Variants in SEC22C observed in about 807,000 individuals in gnomAD.
The protein encoded by SEC22C is SEC22 homolog C, vesicle trafficking protein, also known as vesicle-trafficking protein SEC22c.
A neutral mutation model predicts 34.7 loss-of-function variants in SEC22C; 29 were observed. The observed-to-expected ratio is 0.84, with a 90% confidence interval of 0.62 to 1.14. The LOEUF (loss-of-function observed/expected upper bound fraction) is 1.14, where lower values mean the gene tolerates loss of function less well. Ranked by LOEUF, SEC22C falls within the 50% of genes most tolerant of loss-of-function variation. The probability of loss-of-function intolerance (pLI) is 0.00; values close to 1 mark genes in which losing one functional copy is unlikely to be tolerated. For missense variants in SEC22C, 337 were observed against 369.0 expected, an observed-to-expected ratio of 0.91 and a Z score of 0.71; for synonymous variants, 117 against 132.8, an observed-to-expected ratio of 0.88 and a Z score of 0.82.
At chr3:42,583,703 T>C (rs1704510456), upstream of SEC22C, among the ~76,000 whole-genome samples, 1 of 152,168 alleles carries the variant, frequency 6.6e-6, no homozygotes, top group Admixed American at 6.5e-5. Flanking sequence ...TCTGTCCTCA[T>C]CTAATATGCG....
In SEC22C at chr3:42,549,574, C is replaced by T; in HGVS notation, c.*3674G>A. 2.0e-6 allele frequency: 2 copies of T among 985,506 alleles called. No individual in the cohort carries two copies. The highest frequency in any genetic ancestry group is 2.4e-6 in the Non-Finnish European group (2 of 829,960). The allele number at this position is 985,506 out of a possible 1,614,324, so 61.0% of individuals were successfully genotyped here. On this transcript the variant is annotated 3_prime_UTR_variant, in exon 7 of 7. Transcript: ENST00000264454. ...GCTGACCACCAAGTGTTACTCCTCT[C>T]CAAGACTTGACTCCCAGGCATGGGT...
At position 42,552,345 on chromosome 3, in the gene SEC22C, A is replaced by G. The variant is rs188135751; in HGVS notation, c.*903T>C. 4 of 985,400 alleles carry G rather than the reference A, an allele frequency of 4.1e-6. No homozygotes were observed. The East Asian group carries it at 4.5e-4, about 112-fold the overall frequency. 61.0% of individuals were successfully genotyped at this position (985,400 alleles called of 1,614,324 possible). A position where few individuals can be genotyped will look rare whatever the true frequency, so the allele number is the denominator to read the frequency against. On this transcript the variant is annotated 3_prime_UTR_variant, in exon 7 of 7. Transcript: ENST00000264454. Reference sequence around the variant, plus strand: ...ATTAAAACAACAGGCACTCAGCTCTACTGAAAAGGCTGATGACAGCAGCCC... The same window carrying G: ...ATTAAAACAACAGGCACTCAGCTCTGCTGAAAAGGCTGATGACAGCAGCCC...
intron 5 of SEC22C, among the ~76,000 whole-genome samples, 185 bp downstream of exon 5, chr3:42,557,393 A>C (rs1350849694): frequency 6.6e-6 from 1 of 152,220 alleles, no homozygotes; most frequent in African/African-American, 2.4e-5. Flanking sequence ...TTCTTAGGAC[A>C]ATAGACATAA....
rs1230978697 is a variant in SEC22C, at chr3:42,566,138, T to C, written c.183-2452A>G. Reference sequence around the variant, plus strand: ...ACCATCAAGGACAGCATGTTCAGCATGTCCAGAGAAAGGGGCTGCACATGT... The same window carrying C: ...ACCATCAAGGACAGCATGTTCAGCACGTCCAGAGAAAGGGGCTGCACATGT... On this transcript the variant is annotated intron_variant, in intron 2 of 6. Transcript: ENST00000264454. Among the ~76,000 whole-genome samples the C allele has an allele frequency of 3.3e-5, 5 of 152,296 alleles. No homozygotes were observed. The South Asian group carries it at 1.0e-3, about 32-fold the overall frequency.
intron 2 of SEC22C, chr3:42,564,050 C>T: frequency 1.3e-6 from 1 of 796,024 alleles, no homozygotes; most frequent in Non-Finnish European, 1.7e-6. Context: ...ATCCTGGCAT[C>T]CTAAAATAAG....
Position 42,552,088 on chromosome 3 carries a change from C to T in SEC22C, c.*1160G>A, listed in dbSNP as rs1462844435. On this transcript the variant is annotated 3_prime_UTR_variant, in exon 7 of 7. Coordinates refer to ENST00000264454, the MANE Select transcript of SEC22C (RefSeq NM_032970.4). ...AAACCTAAGGGATCTTATCCAGAAC[C>T]ATATTTTGGAAAACTGTGATCAATC... 5.1e-6 allele frequency: 5 copies of T among 985,278 alleles called. No homozygotes were observed. The highest frequency in any genetic ancestry group is 6.0e-6 in the Non-Finnish European group (5 of 829,926). 61.0% of individuals were successfully genotyped at this position (985,278 alleles called of 1,614,324 possible).
At chr3:42,588,415 A>C (rs1704695704) in intron 1 of SEC22C, among the ~76,000 whole-genome samples, 2 of 152,154 alleles carry the variant, frequency 1.3e-5, no homozygotes, top group African/African-American at 4.8e-5. Context: ...AAAAAACAAC[A>C]ACAACAAAAA....
Position 42,569,071 on chromosome 3 carries a change from C to T in SEC22C, c.-25G>A. ...TGGTCCACAAGAGAAGTCATGAGGA[C>T]ACCTGAGGAAAGCAAGGTCACCTTG... On this transcript the variant is annotated splice_region_variant and 5_prime_UTR_variant, in exon 2 of 7. Transcript: ENST00000264454. 6.2e-7 allele frequency: 1 copy of T among 1,606,084 alleles called. No individual in the cohort carries two copies. The highest frequency in any genetic ancestry group is 8.5e-7 in the Non-Finnish European group (1 of 1,174,934).
rs1028916842 is a variant in SEC22C, at chr3:42,552,199, A to G, written c.*1049T>C. On this transcript the variant is annotated 3_prime_UTR_variant, in exon 7 of 7. Transcript: ENST00000264454. Reference sequence around the variant, plus strand: ...AGCTTTAAAAAGTTAACAGATACTTAACTCTTGTTCATAAAAAATGAGGCC... The same window carrying G: ...AGCTTTAAAAAGTTAACAGATACTTGACTCTTGTTCATAAAAAATGAGGCC... The G allele has an allele frequency of 1.0e-6, 1 of 985,248 alleles. No individual in the cohort carries two copies. Among genetic ancestry groups the G allele is most frequent in the South Asian group, 4.7e-5 (1 of 21,282 alleles). 61.0% of individuals were successfully genotyped at this position (985,248 alleles called of 1,614,324 possible).
At chr3:42,568,323 T>C (rs576178616) in intron 2 of SEC22C, among the ~76,000 whole-genome samples, 1 of 152,004 alleles carries the variant, frequency 6.6e-6, no homozygotes, top group South Asian at 2.1e-4. Context: ...CCAATGCTCA[T>C]GGGCACTCCA....
chr3:42,598,902 A>G (rs3111313), intron 1 of SEC22C, among the ~76,000 whole-genome samples: 101,435 of 151,694 alleles, frequency 0.67, 35,230 homozygotes, highest in African/African-American at 0.84. Context: ...CAACTTTCAC[A>G]TAATGTGTAT....
chr3:42,577,836 G>A (rs984641862), intron 1 of SEC22C, among the ~76,000 whole-genome samples: 4 of 152,152 alleles, frequency 2.6e-5, no homozygotes, highest in African/African-American at 9.7e-5. Context: ...TAGGCATGGT[G>A]GTGGGCACCT....
At chr3:42,571,388 TAA>T (rs1458293256) in intron 1 of SEC22C, among the ~76,000 whole-genome samples, 1 of 152,222 alleles carries the variant, frequency 6.6e-6, no homozygotes, top group African/African-American at 2.4e-5. Context: ...ATCTATTTTT[TAA>T]AAGTCTTTTT....
intron 2 of SEC22C, chr3:42,565,863 A>G: frequency 2.2e-6 from 1 of 455,330 alleles, no homozygotes; most frequent in South Asian, 1.6e-5. Context: ...CCTTACTATT[A>G]AAAGCTATGG....
In SEC22C at chr3:42,561,299, G is replaced by T; in HGVS notation, c.347-3C>A. 6.2e-7 allele frequency: 1 copy of T among 1,613,020 alleles called. No homozygotes were observed. ...CTTCACTTTCTGAATGATGCTGTCT[G>T]CAAAAAGAGAGCAACACAAGTTAAG... is the stretch of plus-strand genomic sequence containing the variant. On this transcript the variant is annotated splice_region_variant and splice_polypyrimidine_tract_variant and intron_variant, in intron 3 of 6. Transcript: ENST00000264454.
At position 42,565,005 on chromosome 3, in the gene SEC22C, G is replaced by A. The variant is rs552846181; in HGVS notation, c.183-1319C>T. Among the ~76,000 whole-genome samples the A allele has an allele frequency of 3.9e-4, 60 of 152,234 alleles. 1 individual carries two copies. The South Asian group carries it at 0.011, about 29-fold the overall frequency. On this transcript the variant is annotated intron_variant, in intron 2 of 6. Coordinates refer to ENST00000264454, the MANE Select transcript of SEC22C (RefSeq NM_032970.4). ...ACCACTGGGCTCAAGCAATCTGCCT[G>A]CCTCAACCTCCCAAAGTGCTGGGAT...
intron 1 of SEC22C, among the ~76,000 whole-genome samples, chr3:42,578,284 T>C (rs898256404): frequency 6.6e-6 from 1 of 152,246 alleles, no homozygotes; most frequent in African/African-American, 2.4e-5. Flanking sequence ...GGATCTCAAG[T>C]GCATTATGCT....
chr3:42,580,608 T>A (rs1203793691), intron 1 of SEC22C: 1 of 152,216 alleles, frequency 6.6e-6, no homozygotes, highest in Non-Finnish European at 1.5e-5. Flanking sequence ...ACACTGATAA[T>A]GTTATTAAAT....
chr3:42,550,962 G>A lies in SEC22C; in HGVS notation c.*2286C>T, dbSNP rs1028791925. 6.3e-5 allele frequency: 48 copies of A among 760,670 alleles called. No homozygotes were observed. Among genetic ancestry groups the A allele is most frequent in the Middle Eastern group, 6.8e-4 (1 of 1,462 alleles). The allele number at this position is 760,670 out of a possible 1,614,324, so 47.1% of individuals were successfully genotyped here. On this transcript the variant is annotated 3_prime_UTR_variant, in exon 7 of 7. Coordinates refer to ENST00000264454, the MANE Select transcript of SEC22C (RefSeq NM_032970.4). ...CGGCTCACTGCAACCTCCACCTCCCGGGTTCAAGAGATTCTCCTGCCTCAG... is the reference window on the plus strand; with the variant it reads ...CGGCTCACTGCAACCTCCACCTCCCAGGTTCAAGAGATTCTCCTGCCTCAG...
Sources: allele counts gnomAD v4.1 joint callset (sites outside exome capture counted in the v4.1 genomes callset), GRCh38; gene constraint gnomAD v4.1.1; transcripts MANE v1.5; gene names NCBI Gene and HGNC (gene_info 2026-07-23, HGNC 2026-07-21).